Variants in BTN2A2 observed in about 807,000 individuals in gnomAD.
BTN2A2 encodes butyrophilin 2.
In BTN2A2, 29 loss-of-function variants were observed where a neutral mutation model predicts 34.7. The observed-to-expected ratio is 0.84, with a 90% CI of 0.62 to 1.14. The LOEUF is 1.14. Among genes scored for constraint, BTN2A2 ranks in the 50% most tolerant of loss-of-function variants. The probability of loss-of-function intolerance (pLI) is 0.00; values close to 1 mark genes in which losing one functional copy is unlikely to be tolerated. For missense variants in BTN2A2, 612 were observed against 651.5 expected, an observed-to-expected ratio of 0.94 and a Z score of 0.66; for synonymous variants, 240 against 253.1, an observed-to-expected ratio of 0.95 and a Z score of 0.49.
Position 26,393,661 on chromosome 6 carries a change from T to G in BTN2A2, c.*694T>G. 1.0e-6 allele frequency: 1 copy of G among 992,952 alleles called. No individual in the cohort carries two copies. The highest frequency in any genetic ancestry group is 4.6e-5 in the South Asian group (1 of 21,882). The allele number at this position is 992,952 out of a possible 1,614,324, so 61.5% of individuals were successfully genotyped here. A position where few individuals can be genotyped will look rare whatever the true frequency, so the allele number is the denominator to read the frequency against. ...CAATAAACAAGGGGTCAGTACTTAGTCCCTGAGTGTGGTTGAGGTTTGAGG... is the reference window on the plus strand; with the variant it reads ...CAATAAACAAGGGGTCAGTACTTAGGCCCTGAGTGTGGTTGAGGTTTGAGG... On this transcript the variant is annotated 3_prime_UTR_variant, in exon 8 of 8. Transcript: ENST00000356709.
chr6:26,386,234 G>T (rs183276952), intron 3 of BTN2A2, among the ~76,000 whole-genome samples: 140 of 152,218 alleles, frequency 9.2e-4, no homozygotes, highest in Non-Finnish European at 1.9e-3. Context: ...GGAAGAAATT[G>T]GCAAGGCTTC....
At position 26,394,421 on chromosome 6, in the gene BTN2A2, T is replaced by C; in HGVS notation, c.*1454T>C. On this transcript the variant is annotated 3_prime_UTR_variant, in exon 8 of 8. Transcript: ENST00000356709. Reference sequence around the variant, plus strand: ...GTCAGTGGGAAATTCTCTCCTTCTGTTGGCTGGGTGCCCAATACAACAAAA... The same window carrying C: ...GTCAGTGGGAAATTCTCTCCTTCTGCTGGCTGGGTGCCCAATACAACAAAA... 3.0e-6 allele frequency: 2 copies of C among 668,532 alleles called. No homozygotes were observed. The highest frequency in any genetic ancestry group is 2.8e-5 in the East Asian group (1 of 35,792). 41.4% of individuals were successfully genotyped at this position (668,532 alleles called of 1,614,324 possible).
intron 3 of BTN2A2, among the ~76,000 whole-genome samples, chr6:26,385,904 G>A (rs575985716): frequency 6.6e-6 from 1 of 152,262 alleles, no homozygotes; most frequent in South Asian, 2.1e-4. Context: ...CATGAGCAGG[G>A]GAAAATAGTT....
rs1342166391 is a variant in BTN2A2, at chr6:26,385,043, T to C, written c.123T>C (p.Asn41=). The C allele has an allele frequency of 2.5e-6, 4 of 1,613,896 alleles. No individual in the cohort carries two copies. In the Admixed American group the frequency reaches 6.7e-5, roughly 27 times the overall value. ...SAQFTVVGPA[N]PILAMVGENT... is the part of the protein sequence containing the mutation. ...AGTTTACTGTCGTGGGGCCAGCTAA[T>C]CCCATCCTGGCCATGGTGGGAGAAA... Residue 41 remains asparagine (N), a synonymous_variant, in exon 3 of 8, where the codon AAT becomes AAC. Coordinates refer to ENST00000356709, the MANE Select transcript of BTN2A2 (RefSeq NM_006995.5).
In BTN2A2 at chr6:26,384,372, T is replaced by C. The variant is rs1417989127; in HGVS notation, c.94+457T>C. Among the ~76,000 whole-genome samples the C allele has an allele frequency of 6.6e-6, 1 of 152,196 alleles. No individual in the cohort carries two copies. Among genetic ancestry groups the C allele is most frequent in the African/African-American group, 2.4e-5 (1 of 41,452 alleles). On this transcript the variant is annotated intron_variant, in intron 2 of 7. Transcript: ENST00000356709. This position sits in a 1 kb window ranked among gnomAD's most constrained non-coding sequence, Gnocchi z 4.0. ...TATTTTGCCCAGGCTGGTCTCAAAC[T>C]CCTAGCTGTTAAGGATCCTCCCACT...
rs1761311750 is a variant in BTN2A2, at chr6:26,387,997, T to C, written c.443-16T>C. 2 of 1,602,974 alleles carry C rather than the reference T, an allele frequency of 1.2e-6. No homozygotes were observed. Among genetic ancestry groups the C allele is most frequent in the African/African-American group, 1.3e-5 (1 of 74,630 alleles). ...ATACCACTGCCTTTTGGCTGAGCCC[T>C]GGTCTCCCTTTCCAGGCCTTGGGTC... On this transcript the variant is annotated splice_polypyrimidine_tract_variant and intron_variant, in intron 3 of 7. Transcript: ENST00000356709.
At position 26,385,331 on chromosome 6, in the gene BTN2A2, C is replaced by A. The variant is rs552051206; in HGVS notation, c.411C>A (p.Tyr137Ter). ...GTTACTTCCAAGAAGGCAGGTCCTACGATGAGGCCATCCTACGCCTCGTGG... is the reference window on the plus strand; with the variant it reads ...GTTACTTCCAAGAAGGCAGGTCCTAAGATGAGGCCATCCTACGCCTCGTGG... ...YRCYFQEGRS[Y>*]DEAILRLVVA... The change falls in exon 3 of 8, where the codon TAC (tyrosine) becomes TAA (stop). Residue 137 changes from tyrosine to a stop codon, truncating the protein, a stop_gained. Transcript: ENST00000356709. LOFTEE classifies it high-confidence loss of function. 5.0e-6 allele frequency: 8 copies of A among 1,613,994 alleles called. No individual in the cohort carries two copies. The highest frequency in any genetic ancestry group is 5.9e-6 in the Non-Finnish European group (7 of 1,179,894).
chr6:26,388,204 A>T lies in BTN2A2; in HGVS notation c.634A>T (p.Ile212Phe). ...CCTCTTCATGGTCACCACAGCTGTG[A>T]TCATCAGAGACAAGTATGTGAGGAA... ...DGLFMVTTAV[I>F]IRDKYVRNVS... Residue 212 changes from isoleucine to phenylalanine, a missense_variant, in exon 4 of 8, where the codon ATC (isoleucine) becomes TTC (phenylalanine). Coordinates refer to ENST00000356709, the MANE Select transcript of BTN2A2 (RefSeq NM_006995.5). The T allele has an allele frequency of 6.2e-7, 1 of 1,614,194 alleles. No individual in the cohort carries two copies. Among genetic ancestry groups the T allele is most frequent in the Non-Finnish European group, 8.5e-7 (1 of 1,180,024 alleles).
rs1761760631 is a variant in BTN2A2 at position 26,394,152 on chromosome 6, T to A, written c.*1185T>A. On this transcript the variant is annotated 3_prime_UTR_variant, in exon 8 of 8. Transcript: ENST00000356709. ...AGAGAATGAGATGAAAAACGATTAATGTTTCATTATTATTATTGTGAAAAT... is the reference window on the plus strand; with the variant it reads ...AGAGAATGAGATGAAAAACGATTAAAGTTTCATTATTATTATTGTGAAAAT... 1 of 575,192 alleles carries A rather than the reference T, an allele frequency of 1.7e-6. No individual in the cohort carries two copies. Among genetic ancestry groups the A allele is most frequent in the East Asian group, 2.8e-5 (1 of 35,118 alleles). 35.6% of individuals were successfully genotyped at this position (575,192 alleles called of 1,614,324 possible).
Position 26,388,239 on chromosome 6 carries a change from C to T in BTN2A2, c.669C>T (p.Cys223=). 6.2e-7 allele frequency: 1 copy of T among 1,614,222 alleles called. No individual in the cohort carries two copies. The highest frequency in any genetic ancestry group is 8.5e-7 in the Non-Finnish European group (1 of 1,180,040). The change falls in exon 4 of 8, where the codon TGC becomes TGT. Residue 223 remains cysteine (C), a synonymous_variant. Transcript: ENST00000356709. ...ACAAGTATGTGAGGAATGTGTCCTG[C>T]TCTGTCAACAACACCCTGCTCGGCC... ...IRDKYVRNVS[C]SVNNTLLGQE... is the part of the protein sequence containing the mutation.
chr6:26,391,896 G>A (rs959728457), intron 7 of BTN2A2: 10 of 287,798 alleles, frequency 3.5e-5, no homozygotes, highest in East Asian at 7.9e-5. Flanking sequence ...TAGGACCAAC[G>A]AAGAGGTCCT....
At position 26,393,054 on chromosome 6, in the gene BTN2A2, C is replaced by T. The variant is rs1469113811; in HGVS notation, c.*87C>T. 14 of 1,612,008 alleles carry T rather than the reference C, an allele frequency of 8.7e-6. No homozygotes were observed. The Middle Eastern group carries it at 8.2e-4, about 95-fold the overall frequency. Reference sequence around the variant, plus strand: ...CAACCCCCCTAATGAAAGACACGCCCTCCTCCCCTCTGGTCACGTAAGAGA... The same window carrying T: ...CAACCCCCCTAATGAAAGACACGCCTTCCTCCCCTCTGGTCACGTAAGAGA... On this transcript the variant is annotated 3_prime_UTR_variant, in exon 8 of 8. Transcript: ENST00000356709.
intron 5 of BTN2A2, chr6:26,390,468 A>G (rs1256971653): frequency 3.0e-5 from 21 of 700,764 alleles, no homozygotes; most frequent in African/African-American, 1.1e-4. Context: ...GCAGCACTAC[A>G]TGGCTGAACG....
intron 7 of BTN2A2, chr6:26,391,241 G>A (rs1226109323): frequency 4.1e-6 from 1 of 246,770 alleles, no homozygotes; most frequent in Non-Finnish European, 7.9e-6. Context: ...GTGAGGAAAA[G>A]GCCATAAGGG....
At chr6:26,390,977 A>T in intron 7 of BTN2A2, 148 bp downstream of exon 7, 1 of 1,198,212 alleles carries the variant, frequency 8.3e-7, no homozygotes, top group Non-Finnish European at 1.2e-6. Context: ...CCCAGCAATG[A>T]TGCATCATGG....
chr6:26,383,530 A>G lies in BTN2A2; in HGVS notation c.-30-262A>G. 2.5e-6 allele frequency: 1 copy of G among 397,946 alleles called. No individual in the cohort carries two copies. Among genetic ancestry groups the G allele is most frequent in the Non-Finnish European group, 4.6e-6 (1 of 217,932 alleles). The allele number at this position is 397,946 out of a possible 1,614,324, so 24.7% of individuals were successfully genotyped here. ...GAGGGACGAGGGTGTGAAAGAATCCAGGGACAACTGAAGAAACCGGACTGT... is the reference window on the plus strand; with the variant it reads ...GAGGGACGAGGGTGTGAAAGAATCCGGGGACAACTGAAGAAACCGGACTGT... On this transcript the variant is annotated intron_variant, in intron 1 of 7. Transcript: ENST00000356709. This position sits in a 1 kb window ranked among gnomAD's most constrained non-coding sequence, Gnocchi z 4.4.
At position 26,393,508 on chromosome 6, in the gene BTN2A2, G is replaced by A; in HGVS notation, c.*541G>A. ...CCCACCATAAGAGCTAAAGGGTCCT[G>A]GGAGATGATGGCTCATTTCCACCCA... On this transcript the variant is annotated 3_prime_UTR_variant, in exon 8 of 8. Transcript: ENST00000356709. The A allele has an allele frequency of 1.5e-5, 15 of 1,021,550 alleles. No homozygotes were observed. Among genetic ancestry groups the A allele is most frequent in the Non-Finnish European group, 1.8e-5 (15 of 852,334 alleles). The allele number at this position is 1,021,550 out of a possible 1,614,324, so 63.3% of individuals were successfully genotyped here. A position where few individuals can be genotyped will look rare whatever the true frequency, so the allele number is the denominator to read the frequency against.
intron 5 of BTN2A2, 58 bp downstream of exon 5, chr6:26,390,269 A>T (rs1224526730): frequency 6.6e-7 from 1 of 1,521,184 alleles, no homozygotes; most frequent in East Asian, 2.4e-5. Context: ...AAGAAAAGTT[A>T]AATGAGTAGG....
At chr6:26,386,543 G>A (rs912128907) in intron 3 of BTN2A2, among the ~76,000 whole-genome samples, 2 of 152,158 alleles carry the variant, frequency 1.3e-5, no homozygotes, top group African/African-American at 2.4e-5. Context: ...CGTGGATGGA[G>A]GGCTTCTTGA....
Sources: gnomAD v4.1 joint callset for allele counts (sites outside exome capture counted in the v4.1 genomes callset) on GRCh38, gnomAD v4.1.1 for gene constraint, Gnocchi (gnomAD v3.1) non-coding constraint, MANE v1.5 for transcripts, NCBI Gene and HGNC (gene_info 2026-07-23, HGNC 2026-07-21) for gene names.